HMCN2: variants seen among roughly 807,000 people sequenced by gnomAD.
HMCN2 encodes hemicentin-2.
Under a neutral mutation model 377.5 loss-of-function variants are expected in HMCN2, and 325 were observed. The ratio of observed to expected loss-of-function variants is 0.86; its 90% CI spans 0.79 to 0.94. The LOEUF (loss-of-function observed/expected upper bound fraction) is 0.94. Among genes scored for constraint, HMCN2 ranks in the 40% least tolerant of loss-of-function variants. HMCN2 has a pLI of 0.00. For missense variants in HMCN2, 4,543 were observed against 4,725.3 expected (o/e 0.96, Z 1.13); for synonymous variants, 2,007 against 2,046.8 (o/e 0.98, Z 0.53).
Position 130,365,725 on chromosome 9 carries a change from G to C in HMCN2, c.6503G>C (p.Trp2168Ser). The part of the protein sequence containing the change: ...HSEKHYNLNV[W>S]VAPVFPLRES... ...GAGAAACACTACAATCTGAACGTCT[G>C]GGGTGAGGGTCTCCCAGGCTGGGCA... The change falls in exon 42 of 98, where the codon TGG (tryptophan) becomes TCG (serine). Residue 2168 changes from tryptophan to serine, a missense_variant and splice_region_variant. Around this residue, in one of 5 missense-constraint regions of HMCN2, gnomAD observed 1,032 missense variants for 1,285.1 expected, o/e 0.80. Transcript: ENST00000683500. 1 of 985,788 alleles carries C rather than the reference G, an allele frequency of 1.0e-6. No individual in the cohort carries two copies. The highest frequency in any genetic ancestry group is 1.2e-6 in the Non-Finnish European group (1 of 829,852). 61.1% of individuals were successfully genotyped at this position (985,788 alleles called of 1,614,324 possible). A position where few individuals can be genotyped will look rare whatever the true frequency, so the allele number is the denominator to read the frequency against.
rs1196698652 is a variant in HMCN2, at chr9:130,284,604, T to TATTG, written c.262_265dup (p.Gly89AspfsTer27). ...GGCGTCCCTCTCTCTTCTCCACAGATATTGGCCCAGTGACCCTCACGGCGG... is the reference window on the plus strand; with the variant it reads ...GGCGTCCCTCTCTCTTCTCCACAGATATTGATTGGCCCAGTGACCCTCACGGCGG... On this transcript the variant is annotated frameshift_variant and splice_region_variant, in exon 2 of 98. Coordinates refer to ENST00000683500, the MANE Select transcript of HMCN2 (RefSeq NM_001291815.2). LOFTEE classifies it high-confidence loss of function. 2.1e-5 allele frequency: 10 copies of TATTG among 471,060 alleles called. No individual in the cohort carries two copies. The highest frequency in any genetic ancestry group is 4.0e-5 in the African/African-American group (2 of 50,080). 29.2% of individuals were successfully genotyped at this position (471,060 alleles called of 1,614,324 possible).
At position 130,307,577 on chromosome 9, in the gene HMCN2, G is replaced by T; in HGVS notation, c.2200+11G>T. The T allele has an allele frequency of 2.1e-6, 1 of 471,136 alleles. No individual in the cohort carries two copies. The highest frequency in any genetic ancestry group is 4.4e-6 in the Non-Finnish European group (1 of 227,044). The allele number at this position is 471,136 out of a possible 1,614,324, so 29.2% of individuals were successfully genotyped here. A position where few individuals can be genotyped will look rare whatever the true frequency, so the allele number is the denominator to read the frequency against. Reference sequence around the variant, plus strand: ...TCATCTGGTATCGAGGTGTGTTGGTGGGGAGGGGCCCTGAAGGAACAGCTT... The same window carrying T: ...TCATCTGGTATCGAGGTGTGTTGGTTGGGAGGGGCCCTGAAGGAACAGCTT... On this transcript the variant is annotated intron_variant, in intron 14 of 97. Transcript: ENST00000683500.
Position 130,360,519 on chromosome 9 carries a change from C to T in HMCN2, c.5865C>T (p.Ala1955=), listed in dbSNP as rs1840318715. The change falls in exon 38 of 98, where the codon GCC becomes GCT. Residue 1955 remains alanine (A), a synonymous_variant. Coordinates refer to ENST00000683500, the MANE Select transcript of HMCN2 (RefSeq NM_001291815.2). This position sits in a 1 kb window ranked among gnomAD's most constrained non-coding sequence, Gnocchi z 4.7. ...GGAGAGTTCTCCGCATTGAGCAAGC[C>T]CAGCTTTCTGATGCTGGGAGCTACC... The part of the protein sequence containing the change: ...VDGRVLRIEQ[A]QLSDAGSYRC... 1 of 1,304,094 alleles carries T rather than the reference C, an allele frequency of 7.7e-7. No individual in the cohort carries two copies. Among genetic ancestry groups the T allele is most frequent in the Non-Finnish European group, 1.0e-6 (1 of 988,922 alleles). The allele number at this position is 1,304,094 out of a possible 1,614,324, so 80.8% of individuals were successfully genotyped here.
At chr9:130,272,592 G>A (rs538000129) in intron 1 of HMCN2, among the ~76,000 whole-genome samples, 2 of 152,114 alleles carry the variant, frequency 1.3e-5, no homozygotes, top group South Asian at 2.1e-4. Context: ...CTGTTGCCCA[G>A]GCTGGGTGGC....
In HMCN2 at chr9:130,423,170, T is replaced by C. The variant is rs1844118302; in HGVS notation, c.13381+444T>C. 6.6e-6 allele frequency among the ~76,000 whole-genome samples: 1 copy of C among 152,102 alleles called. No individual in the cohort carries two copies. The highest frequency in any genetic ancestry group is 1.5e-5 in the Non-Finnish European group (1 of 67,998). ...GGGAAACATGGAGAATTGAATTGCC[T>C]AGAAAACCTAGAGGACTAAGAAGAG... On this transcript the variant is annotated intron_variant, in intron 87 of 97. Transcript: ENST00000683500. The surrounding 1 kb of genome is among the most constrained non-coding windows in gnomAD (Gnocchi z 5.5).
chr9:130,315,204 TCCCC>T (rs1837481383), intron 15 of HMCN2, among the ~76,000 whole-genome samples: 3 of 1,268 alleles, frequency 2.4e-3, no homozygotes, highest in Non-Finnish European at 3.4e-3. Context: ...CTCCCCTCCC[TCCCC>T]TCCCCTCCCT....
intron 7 of HMCN2, among the ~76,000 whole-genome samples, chr9:130,297,854 T>C (rs1836253793): frequency 1.3e-5 from 2 of 152,284 alleles, no homozygotes; most frequent in South Asian, 4.2e-4. Flanking sequence ...CTATGTGTAG[T>C]GATGGCGCGG....
chr9:130,431,047 A>G, intron 95 of HMCN2: 1 of 486,144 alleles, frequency 2.1e-6, no homozygotes, highest in Non-Finnish European at 3.7e-6. Flanking sequence ...TGGACCCTGC[A>G]GAGAGGGACA....
rs1460838937 is a variant in HMCN2 at position 130,396,292 on chromosome 9, C to A, written c.11177C>A (p.Pro3726His). The A allele has an allele frequency of 1.3e-5, 17 of 1,274,766 alleles. No homozygotes were observed. Among genetic ancestry groups the A allele is most frequent in the Non-Finnish European group, 1.6e-5 (16 of 976,566 alleles). The allele number at this position is 1,274,766 out of a possible 1,614,324, so 79.0% of individuals were successfully genotyped here. A position where few individuals can be genotyped will look rare whatever the true frequency, so the allele number is the denominator to read the frequency against. The change falls in exon 73 of 98, where the codon CCC becomes CAC. Residue 3726 changes from proline (P) to histidine (H), a missense_variant. Coordinates refer to ENST00000683500, the MANE Select transcript of HMCN2 (RefSeq NM_001291815.2). ...PLVSWRKDRVPLDPRSPRFEI... is the reference protein window; with the variant it reads ...PLVSWRKDRVHLDPRSPRFEI... Reference sequence around the variant, plus strand: ...GTGAGCTGGCGGAAGGACAGGGTCCCCCTGGATCCCAGGAGCCCCAGGTGG... The same window carrying A: ...GTGAGCTGGCGGAAGGACAGGGTCCACCTGGATCCCAGGAGCCCCAGGTGG...
chr9:130,390,915 G>A (rs1380409269), intron 62 of HMCN2, 62 bp from the exon 63 acceptor site: 2 of 978,342 alleles, frequency 2.0e-6, no homozygotes, highest in East Asian at 2.3e-4. Flanking sequence ...CCTCTGTGGG[G>A]CTCAGTTTCC....
chr9:130,384,661 T>C, intron 58 of HMCN2, 24 bp from the exon 59 acceptor site: 1 of 1,301,566 alleles, frequency 7.7e-7, no homozygotes, highest in Non-Finnish European at 1.0e-6. Context: ...AATGCTGGTG[T>C]GAGGGGCTGG....
Position 130,384,297 on chromosome 9 carries a change from G to C in HMCN2, c.8831-76G>C, listed in dbSNP as rs1841896098. 5 of 1,183,296 alleles carry C rather than the reference G, an allele frequency of 4.2e-6. No homozygotes were observed. In the South Asian group the frequency reaches 7.2e-5, roughly 17 times the overall value. The allele number at this position is 1,183,296 out of a possible 1,614,324, so 73.3% of individuals were successfully genotyped here. A position where few individuals can be genotyped will look rare whatever the true frequency, so the allele number is the denominator to read the frequency against. ...GCCCCAGGAGCTGGGTGAGGCTCAG[G>C]GTTTCTCTTGGGCTCTGTGCTCCCC... On this transcript the variant is annotated intron_variant, in intron 57 of 97. Coordinates refer to ENST00000683500, the MANE Select transcript of HMCN2 (RefSeq NM_001291815.2).
chr9:130,348,430 G>C, intron 26 of HMCN2, 115 bp from the exon 27 acceptor site: 1 of 1,226,946 alleles, frequency 8.2e-7, no homozygotes, highest in Middle Eastern at 3.6e-4. Flanking sequence ...GACGGGGACA[G>C]GCAGACCTTC....
chr9:130,307,683 C>T, intron 14 of HMCN2, 117 bp downstream of exon 14: 1 of 432,648 alleles, frequency 2.3e-6, no homozygotes, highest in Non-Finnish European at 4.8e-6. Context: ...CTGCTCCCCG[C>T]CGCCCTGACC....
chr9:130,311,575 T>C (rs1588221684), intron 15 of HMCN2, among the ~76,000 whole-genome samples: 1 of 152,002 alleles, frequency 6.6e-6, no homozygotes, highest in Non-Finnish European at 1.5e-5. Flanking sequence ...GGCTGGAAGG[T>C]GCATCCTCAG....
At chr9:130,309,640 G>A (rs565811731) in intron 14 of HMCN2, among the ~76,000 whole-genome samples, 64 of 144,092 alleles carry the variant, frequency 4.4e-4, no homozygotes, top group Admixed American at 1.5e-3. Context: ...GGACACCAGC[G>A]GGGGGGGTCC....
At position 130,409,040 on chromosome 9, in the gene HMCN2, A is replaced by G. The variant is rs559374167; in HGVS notation, c.12879+107A>G. 1,934 of 692,304 alleles carry G rather than the reference A, an allele frequency of 2.8e-3. 6 individuals are homozygous for G. Among genetic ancestry groups the G allele is most frequent in the Non-Finnish European group, 3.6e-3 (1,741 of 479,562 alleles). 42.9% of individuals were successfully genotyped at this position (692,304 alleles called of 1,614,324 possible). ...ATTGCCCCCTCTGCTTCTGCAGTGT[A>G]CAAAGCACCTCCCTGCCCATTCCTC... On this transcript the variant is annotated intron_variant, in intron 84 of 97. Transcript: ENST00000683500.
intron 1 of HMCN2, among the ~76,000 whole-genome samples, chr9:130,269,694 A>AT (rs1834312495): frequency 6.7e-6 from 1 of 148,472 alleles, no homozygotes; most frequent in African/African-American, 2.4e-5. Flanking sequence ...TGAATTTCTT[A>AT]TTTTGTAAAC....
chr9:130,287,907 G>A (rs1554928569), intron 4 of HMCN2, among the ~76,000 whole-genome samples: 1 of 152,176 alleles, frequency 6.6e-6, no homozygotes, highest in East Asian at 1.9e-4. Context: ...GTATATTTAC[G>A]AGCTGCAGAG....
Sources: allele counts gnomAD v4.1 joint callset (sites outside exome capture counted in the v4.1 genomes callset), GRCh38; gene constraint gnomAD v4.1.1; regional missense constraint gnomAD v4.1.1; non-coding constraint Gnocchi (gnomAD v3.1); transcripts MANE v1.5; gene names NCBI Gene and HGNC (gene_info 2026-07-23, HGNC 2026-07-21).